The following ATP13A5 variants were observed in gnomAD, a reference collection of about 807,000 sequenced individuals.
ATP13A5 encodes ATPase 13A5.
ATP13A5 carries 149 observed loss-of-function variants against 150.2 expected under a neutral mutation model. The observed-to-expected ratio is 0.99, with a 90% confidence interval of 0.87 to 1.14. The LOEUF (loss-of-function observed/expected upper bound fraction) is 1.14, where lower values mean the gene tolerates loss of function less well. Among genes scored for constraint, ATP13A5 ranks in the 50% most tolerant of loss-of-function variants. The pLI, the probability that ATP13A5 is intolerant of heterozygous loss-of-function variation, is 0.00. For missense variants in ATP13A5, 1,383 were observed against 1,449.3 expected, an observed-to-expected ratio of 0.95 and a Z score of 0.74; for synonymous variants, 497 against 522.2, an observed-to-expected ratio of 0.95 and a Z score of 0.66.
At chr3:193,324,816 G>T (rs1719413002) in intron 14 of ATP13A5, 48 bp downstream of exon 14, 1 of 1,591,504 alleles carries the variant, frequency 6.3e-7, no homozygotes. Context: ...AGCACTCCCA[G>T]TAAAGATTTC....
At chr3:193,335,162 T>G in intron 9 of ATP13A5, 63 bp from the exon 10 acceptor site, 2 of 1,495,366 alleles carry the variant, frequency 1.3e-6, no homozygotes, top group South Asian at 2.3e-5. Context: ...AACTGGTGCA[T>G]GCCAGTTTCA....
rs952211036 is a variant in ATP13A5 at position 193,343,855 on chromosome 3, A to G, written c.943+72T>C. ...GAATATCTTAGCAAGGGTCTGGTAT[A>G]AGGTAGGTGAGGATATGTTGATCTG... On this transcript the variant is annotated intron_variant, in intron 9 of 29. Coordinates refer to ENST00000342358, the MANE Select transcript of ATP13A5 (RefSeq NM_198505.4). The G allele has an allele frequency of 2.6e-6, 4 of 1,528,608 alleles. No homozygotes were observed. In the African/African-American group the frequency reaches 4.1e-5, roughly 16 times the overall value. 94.7% of individuals were successfully genotyped at this position (1,528,608 alleles called of 1,614,324 possible).
At chr3:193,298,080 CTA>C (rs796197255) in intron 25 of ATP13A5, among the ~76,000 whole-genome samples, 8 of 152,192 alleles carry the variant, frequency 5.3e-5, no homozygotes, top group African/African-American at 1.9e-4. Context: ...CCTCACAATT[CTA>C]TGAGGACAGT....
intron 12 of ATP13A5, among the ~76,000 whole-genome samples, chr3:193,328,209 G>A (rs1168556341): frequency 6.6e-6 from 1 of 152,212 alleles, no homozygotes; most frequent in Non-Finnish European, 1.5e-5. Flanking sequence ...CAAATGTTAA[G>A]TGAATCATAC....
In ATP13A5 at chr3:193,275,111, T is replaced by C. The variant is rs965416240; in HGVS notation, c.3588A>G (p.Glu1196=). The C allele has an allele frequency of 1.2e-6, 2 of 1,614,210 alleles. No homozygotes were observed. The highest frequency in any genetic ancestry group is 1.7e-6 in the Non-Finnish European group (2 of 1,180,046). ...FYINGGYESH[E]QIPKRKLKLG... is the part of the protein sequence containing the mutation. ...ATTTGAGTTTTCTTTTTGGAATCTGTTCATGGCTTTCATAGCCTCCGTTGA... is the reference window on the plus strand; with the variant it reads ...ATTTGAGTTTTCTTTTTGGAATCTGCTCATGGCTTTCATAGCCTCCGTTGA... The change falls in exon 30 of 30, where the codon GAA becomes GAG. Residue 1196 remains glutamate, a synonymous_variant. Coordinates refer to ENST00000342358, the MANE Select transcript of ATP13A5 (RefSeq NM_198505.4).
intron 9 of ATP13A5, among the ~76,000 whole-genome samples, chr3:193,340,676 G>A (rs1310896421): frequency 6.6e-6 from 1 of 152,180 alleles, no homozygotes; most frequent in Non-Finnish European, 1.5e-5. Flanking sequence ...AGAGAATGAG[G>A]AAACACTGAT....
At chr3:193,282,605 G>A (rs1717549463) in intron 27 of ATP13A5, among the ~76,000 whole-genome samples, 1 of 152,216 alleles carries the variant, frequency 6.6e-6, no homozygotes. Flanking sequence ...TTGAACTCCT[G>A]ACCTCAGGTG....
chr3:193,296,502 C>T lies in ATP13A5; in HGVS notation c.2848+2629G>A, dbSNP rs144504388. 8.5e-3 allele frequency among the ~76,000 whole-genome samples: 1,293 copies of T among 151,854 alleles called. 40 individuals carry two copies. Among genetic ancestry groups the T allele is most frequent in the Admixed American group, 0.049 (746 of 15,242 alleles). Reference sequence around the variant, plus strand: ...CAGAGATCAGATGGTTGTACATGTGCGGTCTTATTTCTGAGTTCTCTATTC... The same window carrying T: ...CAGAGATCAGATGGTTGTACATGTGTGGTCTTATTTCTGAGTTCTCTATTC... On this transcript the variant is annotated intron_variant, in intron 25 of 29. Transcript: ENST00000342358.
intron 25 of ATP13A5, 48 bp downstream of exon 25, chr3:193,299,083 T>G: frequency 6.8e-7 from 1 of 1,463,518 alleles, no homozygotes; most frequent in South Asian, 1.3e-5. Flanking sequence ...TTTCTAGAAT[T>G]TCATAGATAA....
At chr3:193,282,039 CA>C (rs1393456192) in intron 27 of ATP13A5, among the ~76,000 whole-genome samples, 40 of 151,892 alleles carry the variant, frequency 2.6e-4, no homozygotes, top group African/African-American at 9.2e-4. Context: ...ACTAAAAATA[CA>C]AAAAAATTAG....
chr3:193,277,186 T>C (rs1196452819), intron 28 of ATP13A5, among the ~76,000 whole-genome samples: 1 of 152,188 alleles, frequency 6.6e-6, no homozygotes, highest in Non-Finnish European at 1.5e-5. Flanking sequence ...ATTCATCAAA[T>C]AATGTTAATA....
chr3:193,291,806 G>T (rs1203386803), intron 25 of ATP13A5, among the ~76,000 whole-genome samples: 1 of 152,014 alleles, frequency 6.6e-6, no homozygotes, highest in Non-Finnish European at 1.5e-5. Flanking sequence ...CACAGGGAAA[G>T]GACAATGGAA....
intron 29 of ATP13A5, 84 bp downstream of exon 29, chr3:193,276,666 G>T (rs1717222855): frequency 5.4e-6 from 5 of 934,058 alleles, no homozygotes; most frequent in East Asian, 2.5e-5. Context: ...GGATCAAAGT[G>T]GTTGCTCTAG....
At chr3:193,298,614 A>C (rs904976257) in intron 25 of ATP13A5, among the ~76,000 whole-genome samples, 2 of 152,152 alleles carry the variant, frequency 1.3e-5, no homozygotes, top group African/African-American at 4.8e-5. Flanking sequence ...AGTCAGCATC[A>C]AGTCCTGAGC....
intron 10 of ATP13A5, 53 bp downstream of exon 10, chr3:193,334,876 A>G (rs1711787983): frequency 6.5e-7 from 1 of 1,547,228 alleles, no homozygotes; most frequent in East Asian, 2.3e-5. Flanking sequence ...CCCTAATCCA[A>G]CTCTCCCCAT....
Position 193,284,265 on chromosome 3 carries a change from T to C in ATP13A5, c.3226+649A>G, listed in dbSNP as rs1284832379. Among the ~76,000 whole-genome samples, 4 of 152,048 alleles carry C rather than the reference T, an allele frequency of 2.6e-5. No individual in the cohort carries two copies. The East Asian group carries it at 7.7e-4, about 29-fold the overall frequency. ...GTCTCAAACTCCTGAACTCAAGTGA[T>C]CCTTCCACCTCAGCCTCCCAAAGTG... On this transcript the variant is annotated intron_variant, in intron 27 of 29. Coordinates refer to ENST00000342358, the MANE Select transcript of ATP13A5 (RefSeq NM_198505.4).
chr3:193,294,668 C>A (rs1718091996), intron 25 of ATP13A5, among the ~76,000 whole-genome samples: 1 of 151,976 alleles, frequency 6.6e-6, no homozygotes, highest in African/African-American at 2.4e-5. Flanking sequence ...ACCTGGAAAC[C>A]TGGAAATGTA....
chr3:193,340,127 G>T (rs1712060199), intron 9 of ATP13A5, among the ~76,000 whole-genome samples: 1 of 152,186 alleles, frequency 6.6e-6, no homozygotes, highest in African/African-American at 2.4e-5. Flanking sequence ...AACCATCATT[G>T]CTCATAATCA....
intron 9 of ATP13A5, among the ~76,000 whole-genome samples, chr3:193,339,243 G>T (rs1444107665): frequency 6.6e-6 from 1 of 151,742 alleles, no homozygotes; most frequent in East Asian, 1.9e-4. Flanking sequence ...CTTCAGTTCT[G>T]CTCTGATCTT....
Sources: gnomAD v4.1 joint callset for allele counts (sites outside exome capture counted in the v4.1 genomes callset) on GRCh38, gnomAD v4.1.1 for gene constraint, MANE v1.5 for transcripts, NCBI Gene and HGNC (gene_info 2026-07-23, HGNC 2026-07-21) for gene names.